The following MILR1 variants were observed in gnomAD, a reference collection of about 807,000 sequenced individuals.
MILR1 encodes allergin-1.
In MILR1, 31 loss-of-function variants were observed where a neutral mutation model predicts 18.5. That is an observed-to-expected ratio of 1.68 (90% CI 1.26 to 2.26). The LOEUF is 2.26. Ranked by LOEUF, MILR1 falls within the 30% of genes most tolerant of loss-of-function variation. The probability of loss-of-function intolerance (pLI) is 0.00; values close to 1 mark genes in which losing one functional copy is unlikely to be tolerated. For missense variants in MILR1, 257 were observed against 157.4 expected (o/e 1.63, Z -3.38); for synonymous variants, 85 against 56.2 (o/e 1.51, Z -2.30).
the MILR1 span, among the ~76,000 whole-genome samples, chr17:64,489,090 G>A: frequency 6.8e-6 from 1 of 146,962 alleles, no homozygotes. Context: ...CAGCAGCACA[G>A]TCTTGGCTCA....
At chr17:64,496,463 G>A in the MILR1 span, 1 of 1,599,366 alleles carries the variant, frequency 6.3e-7, no homozygotes, top group Non-Finnish European at 8.6e-7. Flanking sequence ...CTCAAGAAAT[G>A]CTACTAGCTG....
chr17:64,481,350 G>A, the MILR1 span: 2 of 985,078 alleles, frequency 2.0e-6, no homozygotes, highest in Non-Finnish European at 2.4e-6. Context: ...AGAAAGCTGG[G>A]GGACTCTCAA....
chr17:64,484,453 A>G, the MILR1 span, among the ~76,000 whole-genome samples: 6 of 152,212 alleles, frequency 3.9e-5, no homozygotes, highest in African/African-American at 1.4e-4. Flanking sequence ...CAGATCAAAA[A>G]GAGGGCTTCG....
chr17:64,477,102 A>G, the MILR1 span, among the ~76,000 whole-genome samples: 1 of 152,206 alleles, frequency 6.6e-6, no homozygotes, highest in African/African-American at 2.4e-5. Context: ...AAGTTTTAAA[A>G]GTTTAGTTTT....
At chr17:64,482,225 T>C in the MILR1 span, among the ~76,000 whole-genome samples, 2 of 148,698 alleles carry the variant, frequency 1.3e-5, no homozygotes, top group African/African-American at 4.9e-5. Flanking sequence ...TGCCTTAGCC[T>C]CCTGAATAGC....
chr17:64,458,156 C>CCCTTCCTTCCTTCCTTCCCT (rs2037343344), intron 4 of MILR1, among the ~76,000 whole-genome samples: 1 of 149,374 alleles, frequency 6.7e-6, no homozygotes, highest in African/African-American at 2.5e-5. Context: ...GCCTTTCTTT[C>CCCTTCCTTCCTTCCTTCCCT]CCTTCCTTCC....
At chr17:64,497,199 C>A in the MILR1 span, among the ~76,000 whole-genome samples, 1 of 152,232 alleles carries the variant, frequency 6.6e-6, no homozygotes, top group Non-Finnish European at 1.5e-5. Flanking sequence ...TTGCCGTTCG[C>A]GTCGCGCCCC....
the MILR1 span, chr17:64,492,762 T>C: frequency 6.2e-7 from 1 of 1,611,194 alleles, no homozygotes; most frequent in Non-Finnish European, 8.5e-7. Flanking sequence ...GCTTCAGTCT[T>C]CTCACCAATA....
chr17:64,468,700 C>A, downstream of MILR1: 1 of 992,552 alleles, frequency 1.0e-6, no homozygotes, highest in Non-Finnish European at 1.2e-6. Flanking sequence ...CTGGCATCTC[C>A]ATGATCTTTT....
the MILR1 span, among the ~76,000 whole-genome samples, chr17:64,484,633 T>C: frequency 6.6e-6 from 1 of 152,178 alleles, no homozygotes; most frequent in Non-Finnish European, 1.5e-5. Flanking sequence ...AGGATACGTT[T>C]TGAAGTTAGA....
chr17:64,484,871 A>G, the MILR1 span, among the ~76,000 whole-genome samples: 1 of 152,156 alleles, frequency 6.6e-6, no homozygotes, highest in East Asian at 1.9e-4. Flanking sequence ...AACACTCAAC[A>G]TTATTTGTTA....
At chr17:64,465,095 A>T (rs911353231) in intron 5 of MILR1, among the ~76,000 whole-genome samples, 42 of 152,044 alleles carry the variant, frequency 2.8e-4, no homozygotes, top group African/African-American at 9.9e-4. Context: ...CTCCATCTTA[A>T]AAAAAAAGAA....
At position 64,466,632 on chromosome 17, in the gene MILR1, G is replaced by C. The variant is rs554083598; in HGVS notation, c.949G>C (p.Val317Leu). ...CCAGGAGCTACAGTATGCCACCCCC[G>C]TGTTCCAGGAGGTGGCACCAAGAGA... ...HSQELQYATP[V>L]FQEVAPREQE... Residue 317 changes from valine (V) to leucine (L), a missense_variant, in exon 8 of 10, where the codon GTG (valine) becomes CTG (leucine). By Grantham distance (32) the Val-to-Leu change is conservative. Coordinates refer to ENST00000619286, the MANE Select transcript of MILR1 (RefSeq NM_001085423.2). 2 of 1,610,130 alleles carry C rather than the reference G, an allele frequency of 1.2e-6. No individual in the cohort carries two copies. The highest frequency in any genetic ancestry group is 1.7e-6 in the Non-Finnish European group (2 of 1,178,262).
chr17:64,468,185 C>T, intron 9 of MILR1, 125 bp from the exon 10 acceptor site: 2 of 451,160 alleles, frequency 4.4e-6, no homozygotes, highest in Non-Finnish European at 8.9e-6. Flanking sequence ...GTGGGGAGGA[C>T]CCTCCTTGCC....
At chr17:64,454,504 G>T (rs1448021110) in intron 3 of MILR1, among the ~76,000 whole-genome samples, 1 of 152,210 alleles carries the variant, frequency 6.6e-6, no homozygotes, top group Non-Finnish European at 1.5e-5. Flanking sequence ...CAACACAGAT[G>T]TAGACCATTC....
intron 6 of MILR1, 88 bp downstream of exon 6, chr17:64,465,629 G>C: frequency 7.1e-7 from 1 of 1,400,642 alleles, no homozygotes; most frequent in Non-Finnish European, 9.8e-7. Context: ...GGGAGTGGGG[G>C]GTGGAGCAAA....
the MILR1 span, among the ~76,000 whole-genome samples, chr17:64,478,345 C>G: frequency 6.6e-6 from 1 of 152,092 alleles, no homozygotes; most frequent in Non-Finnish European, 1.5e-5. Flanking sequence ...ACTGAAGTCT[C>G]TTACAATAAA....
downstream of MILR1, among the ~76,000 whole-genome samples, chr17:64,469,691 G>A (rs76566641): frequency 6.6e-6 from 1 of 152,100 alleles, no homozygotes; most frequent in African/African-American, 2.4e-5. Context: ...GAGCCACCTC[G>A]CCTGGCCCTC....
At chr17:64,463,090 G>C (rs2037468523) in intron 5 of MILR1, among the ~76,000 whole-genome samples, 2 of 152,018 alleles carry the variant, frequency 1.3e-5, no homozygotes, top group South Asian at 2.1e-4. Flanking sequence ...AAACAAAAAA[G>C]CATCATTTCT....
Sources: allele counts gnomAD v4.1 joint callset (sites outside exome capture counted in the v4.1 genomes callset), GRCh38; gene constraint gnomAD v4.1.1; transcripts MANE v1.5; gene names NCBI Gene and HGNC (gene_info 2026-07-23, HGNC 2026-07-21).